The following PEX3 variants were observed in gnomAD, a reference collection of about 807,000 sequenced individuals.
PEX3 encodes peroxisomal biogenesis factor 3.
PEX3 carries 30 observed loss-of-function variants against 55.8 expected under a neutral mutation model. The ratio of observed to expected loss-of-function variants is 0.54; its 90% CI spans 0.40 to 0.73. The LOEUF (loss-of-function observed/expected upper bound fraction) is 0.73, where lower values mean the gene tolerates loss of function less well. PEX3 is among the 30% of genes least tolerant of loss of function. The pLI, the probability that PEX3 is intolerant of heterozygous loss-of-function variation, is 0.00. For synonymous variants in PEX3, 135 were observed against 148.4 expected (o/e 0.91, Z 0.66); for missense variants, 351 against 432.8 (o/e 0.81, Z 1.68).
chr6:143,451,133 T>G lies in PEX3; in HGVS notation c.73+18T>G. On this transcript the variant is annotated intron_variant, in intron 1 of 11. Transcript: ENST00000367591. This position sits in a 1 kb window ranked among gnomAD's most constrained non-coding sequence, Gnocchi z 4.1. The stretch of plus-strand genomic sequence containing the variant: ...CCTTGGAGGTGGGTGACAACGTGCT[T>G]GAAAGGGGGCATTGGGAGAAGGGGG... 1 of 1,565,900 alleles carries G rather than the reference T, an allele frequency of 6.4e-7. No homozygotes were observed. Among genetic ancestry groups the G allele is most frequent in the Non-Finnish European group, 8.8e-7 (1 of 1,136,130 alleles).
intron 3 of PEX3, among the ~76,000 whole-genome samples, chr6:143,467,572 T>A (rs1434550008): frequency 2.0e-5 from 3 of 152,040 alleles, no homozygotes; most frequent in Non-Finnish European, 4.4e-5. Context: ...AGAATAAGTT[T>A]TCATGTCAGA....
chr6:143,480,628 C>T (rs1003539195), intron 10 of PEX3, among the ~76,000 whole-genome samples: 4 of 152,158 alleles, frequency 2.6e-5, no homozygotes, highest in Non-Finnish European at 4.4e-5. Flanking sequence ...ATCTCAATAA[C>T]CAACTTCATG....
In PEX3 at chr6:143,490,091, A is replaced by T. The variant is rs569167875; in HGVS notation, c.*865A>T. On this transcript the variant is annotated 3_prime_UTR_variant, in exon 12 of 12. Transcript: ENST00000367591. The surrounding 1 kb of genome is among the most constrained non-coding windows in gnomAD (Gnocchi z 6.0). ...TTGTTATTATTTCGGAAGAGAGAGC[A>T]TGCTAGTTTAAGTTTCATTTTAATT... 1 of 152,290 alleles carries T rather than the reference A, an allele frequency of 6.6e-6. No individual in the cohort carries two copies. Among genetic ancestry groups the T allele is most frequent in the South Asian group, 2.1e-4 (1 of 4,824 alleles). 9.4% of individuals were successfully genotyped at this position (152,290 alleles called of 1,614,324 possible).
Position 143,451,129 on chromosome 6 carries a change from T to C in PEX3, c.73+14T>C. 1 of 1,586,814 alleles carries C rather than the reference T, an allele frequency of 6.3e-7. No individual in the cohort carries two copies. Reference sequence around the variant, plus strand: ...CGGTCCTTGGAGGTGGGTGACAACGTGCTTGAAAGGGGGCATTGGGAGAAG... The same window carrying C: ...CGGTCCTTGGAGGTGGGTGACAACGCGCTTGAAAGGGGGCATTGGGAGAAG... On this transcript the variant is annotated intron_variant, in intron 1 of 11. Transcript: ENST00000367591. This position sits in a 1 kb window ranked among gnomAD's most constrained non-coding sequence, Gnocchi z 4.1.
At chr6:143,481,333 A>G (rs188398237) in intron 10 of PEX3, among the ~76,000 whole-genome samples, 55 of 152,042 alleles carry the variant, frequency 3.6e-4, no homozygotes, top group Non-Finnish European at 7.2e-4. Context: ...TAGTTTGATG[A>G]TAGGTATTTT....
intron 7 of PEX3, 67 bp from the exon 8 acceptor site, chr6:143,472,093 A>G (rs761912473): frequency 1.9e-6 from 2 of 1,056,802 alleles, no homozygotes; most frequent in Admixed American, 1.8e-5. Context: ...GCCTGTTAAG[A>G]AAAGAGTGTA....
rs886239441 is a variant in PEX3 at position 143,489,815 on chromosome 6, CT to C, written c.*591del. On this transcript the variant is annotated 3_prime_UTR_variant, in exon 12 of 12. Transcript: ENST00000367591. The surrounding 1 kb of genome is among the most constrained non-coding windows in gnomAD (Gnocchi z 5.5). ...TGATGAACTATGTTCTTTGCTATTT[CT>C]TCACTATATTTTTTAAGGTTTTATT... The C allele has an allele frequency of 2.0e-5, 3 of 151,964 alleles. No individual in the cohort carries two copies. The highest frequency in any genetic ancestry group is 7.2e-5 in the African/African-American group (3 of 41,408). 9.4% of individuals were successfully genotyped at this position (151,964 alleles called of 1,614,324 possible).
In PEX3 at chr6:143,470,349, C is replaced by T. The variant is rs551982896; in HGVS notation, c.332-612C>T. Among the ~76,000 whole-genome samples the T allele has an allele frequency of 1.6e-4, 25 of 152,304 alleles. No individual in the cohort carries two copies. The South Asian group carries it at 2.9e-3, about 18-fold the overall frequency. ...CTACAGCCCTGCAGCCTGGCTTCCA[C>T]ACCTGTGTCTTCACCTAAGCAGGTC... On this transcript the variant is annotated intron_variant, in intron 4 of 11. Coordinates refer to ENST00000367591, the MANE Select transcript of PEX3 (RefSeq NM_003630.3).
rs1157696128 is a variant in PEX3, at chr6:143,458,951, TC to T, written c.74-133del. ...TTTCTTTGGGCCAATCTTACAAAAT[TC>T]TTTATTTAGGTTTTAAAAATGTAAT... On this transcript the variant is annotated intron_variant, in intron 1 of 11. Transcript: ENST00000367591. This position sits in a 1 kb window ranked among gnomAD's most constrained non-coding sequence, Gnocchi z 6.1. 8.0e-6 allele frequency: 5 copies of T among 627,974 alleles called. No individual in the cohort carries two copies. Among genetic ancestry groups the T allele is most frequent in the African/African-American group, 1.9e-5 (1 of 53,614 alleles). 38.9% of individuals were successfully genotyped at this position (627,974 alleles called of 1,614,324 possible).
rs1423689815 is a variant in PEX3, at chr6:143,489,776, A to G, written c.*550A>G. On this transcript the variant is annotated 3_prime_UTR_variant, in exon 12 of 12. Coordinates refer to ENST00000367591, the MANE Select transcript of PEX3 (RefSeq NM_003630.3). The surrounding 1 kb of genome is among the most constrained non-coding windows in gnomAD (Gnocchi z 5.5). ...CTTTTTTATTCTTATGGAAATAGTG[A>G]ATTCCAACAACTATGATGAACTATG... is the stretch of plus-strand genomic sequence containing the variant. 1 of 152,046 alleles carries G rather than the reference A, an allele frequency of 6.6e-6. No individual in the cohort carries two copies. Among genetic ancestry groups the G allele is most frequent in the Non-Finnish European group, 1.5e-5 (1 of 67,960 alleles). 9.4% of individuals were successfully genotyped at this position (152,046 alleles called of 1,614,324 possible). A position where few individuals can be genotyped will look rare whatever the true frequency, so the allele number is the denominator to read the frequency against.
In PEX3 at chr6:143,462,969, G is replaced by A. The variant is rs1779945727; in HGVS notation, c.259G>A (p.Glu87Lys). 3.1e-6 allele frequency: 5 copies of A among 1,613,452 alleles called. No homozygotes were observed. Among genetic ancestry groups the A allele is most frequent in the South Asian group, 1.1e-5 (1 of 91,068 alleles). Residue 87 changes from glutamate (E) to lysine (K), a missense_variant, in exon 3 of 12, where the codon GAG (glutamate) becomes AAG (lysine). Glu to Lys is a moderately conservative substitution (Grantham distance 56). Coordinates refer to ENST00000367591, the MANE Select transcript of PEX3 (RefSeq NM_003630.3). This position sits in a 1 kb window ranked among gnomAD's most constrained non-coding sequence, Gnocchi z 4.1. ...GGCCTTAATGCAGCAACTGAATTCC[G>A]AGAGCCTCACAGCTCTGCTAAAAAA... is the stretch of plus-strand genomic sequence containing the variant. ...REALMQQLNSESLTALLKNRP... is the reference protein window; with the variant it reads ...REALMQQLNSKSLTALLKNRP...
intron 4 of PEX3, among the ~76,000 whole-genome samples, chr6:143,469,569 G>A (rs1183770632): frequency 6.6e-6 from 1 of 152,154 alleles, no homozygotes; most frequent in African/African-American, 2.4e-5. Flanking sequence ...GTAGATTCTG[G>A]ATGATAGCCC....
chr6:143,470,169 C>T (rs1780052907), intron 4 of PEX3, among the ~76,000 whole-genome samples: 1 of 152,150 alleles, frequency 6.6e-6, no homozygotes, highest in Non-Finnish European at 1.5e-5. Flanking sequence ...AGGATGGTCT[C>T]AATCTCTTGA....
At position 143,450,906 on chromosome 6, in the gene PEX3, C is replaced by T; in HGVS notation, c.-137C>T. On this transcript the variant is annotated 5_prime_UTR_variant, in exon 1 of 12. Coordinates refer to ENST00000367591, the MANE Select transcript of PEX3 (RefSeq NM_003630.3). ...TCCGGTGACAGTCTCTGCGGAAAGTCACGTTTGTGATTTCGGGAGAGCACA... is the reference window on the plus strand; with the variant it reads ...TCCGGTGACAGTCTCTGCGGAAAGTTACGTTTGTGATTTCGGGAGAGCACA... 1 of 831,558 alleles carries T rather than the reference C, an allele frequency of 1.2e-6. No individual in the cohort carries two copies. Among genetic ancestry groups the T allele is most frequent in the South Asian group, 1.3e-5 (1 of 75,140 alleles). The allele number at this position is 831,558 out of a possible 1,614,324, so 51.5% of individuals were successfully genotyped here.
At chr6:143,455,578 T>C (rs1262520241) in intron 1 of PEX3, among the ~76,000 whole-genome samples, 4 of 152,082 alleles carry the variant, frequency 2.6e-5, no homozygotes, top group Non-Finnish European at 4.4e-5. Context: ...CAAGTGATTC[T>C]AATGTAAGTG....
chr6:143,489,052 T>G lies in PEX3; in HGVS notation c.1039-91T>G, dbSNP rs1421214916. ...TGCCTCTTGGCCTTTACCACAAAACTTAGAGCTGAATTCATCGCTTGATTG... is the reference window on the plus strand; with the variant it reads ...TGCCTCTTGGCCTTTACCACAAAACGTAGAGCTGAATTCATCGCTTGATTG... On this transcript the variant is annotated intron_variant, in intron 11 of 11. Coordinates refer to ENST00000367591, the MANE Select transcript of PEX3 (RefSeq NM_003630.3). This position sits in a 1 kb window ranked among gnomAD's most constrained non-coding sequence, Gnocchi z 5.5. The G allele has an allele frequency of 2.3e-6, 2 of 877,472 alleles. No individual in the cohort carries two copies. The highest frequency in any genetic ancestry group is 3.3e-5 in the African/African-American group (2 of 60,706). The allele number at this position is 877,472 out of a possible 1,614,324, so 54.4% of individuals were successfully genotyped here. A position where few individuals can be genotyped will look rare whatever the true frequency, so the allele number is the denominator to read the frequency against.
chr6:143,459,067 C>CT lies in PEX3; in HGVS notation c.74-12dup. The stretch of plus-strand genomic sequence containing the variant: ...TTTTGGTACTCTAATGAATATAGTA[C>CT]TTTTTTAATGATTGTAGGAGTATAT... On this transcript the variant is annotated splice_polypyrimidine_tract_variant and intron_variant, in intron 1 of 11. Transcript: ENST00000367591. The surrounding 1 kb of genome is among the most constrained non-coding windows in gnomAD (Gnocchi z 4.2). The CT allele has an allele frequency of 6.5e-7, 1 of 1,542,016 alleles. No homozygotes were observed. The highest frequency in any genetic ancestry group is 2.3e-5 in the East Asian group (1 of 44,342).
Position 143,466,149 on chromosome 6 carries a change from A to G in PEX3, c.288-1973A>G, listed in dbSNP as rs546837919. On this transcript the variant is annotated intron_variant, in intron 3 of 11. Coordinates refer to ENST00000367591, the MANE Select transcript of PEX3 (RefSeq NM_003630.3). The surrounding 1 kb of genome is among the most constrained non-coding windows in gnomAD (Gnocchi z 5.4). ...TGGTTAGAAGAGAAAAGTGGCTACC[A>G]TCTGTATACAATAGTCCCATCCACC... is the stretch of plus-strand genomic sequence containing the variant. 2.8e-4 allele frequency among the ~76,000 whole-genome samples: 43 copies of G among 152,218 alleles called. No homozygotes were observed. The highest frequency in any genetic ancestry group is 4.6e-4 in the Non-Finnish European group (31 of 67,928).
chr6:143,486,273 A>G lies in PEX3; in HGVS notation c.1038+1025A>G, dbSNP rs1018525941. On this transcript the variant is annotated intron_variant, in intron 11 of 11. Transcript: ENST00000367591. This position sits in a 1 kb window ranked among gnomAD's most constrained non-coding sequence, Gnocchi z 5.0. ...TCTATATCAATGTGAGAAAAAGGTC[A>G]TAACTTGGGGCATTTAAACCTTACC... 2.6e-5 allele frequency among the ~76,000 whole-genome samples: 4 copies of G among 152,152 alleles called. No individual in the cohort carries two copies. Among genetic ancestry groups the G allele is most frequent in the Admixed American group, 2.6e-4 (4 of 15,256 alleles).
Sources: allele counts gnomAD v4.1 joint callset (sites outside exome capture counted in the v4.1 genomes callset), GRCh38; gene constraint gnomAD v4.1.1; non-coding constraint Gnocchi (gnomAD v3.1); transcripts MANE v1.5; gene names NCBI Gene and HGNC (gene_info 2026-07-23, HGNC 2026-07-21).